The following RAB11FIP3 variants were observed in gnomAD, a reference collection of about 807,000 sequenced individuals.
The protein encoded by RAB11FIP3 is RAB11 family interacting protein 3.
RAB11FIP3 carries 17 observed loss-of-function variants against 77.8 expected under a neutral mutation model. The ratio of observed to expected loss-of-function variants is 0.22; its 90% CI spans 0.15 to 0.33. The LOEUF is 0.33. RAB11FIP3 is among the 10% of genes least tolerant of loss of function. The probability of loss-of-function intolerance (pLI) is 1.00; values close to 1 mark genes in which losing one functional copy is unlikely to be tolerated. For synonymous variants in RAB11FIP3, 437 were observed against 448.2 expected, an observed-to-expected ratio of 0.98 and a Z score of 0.31; for missense variants, 1,005 against 1,011.2, an observed-to-expected ratio of 0.99 and a Z score of 0.08.
At position 521,165 on chromosome 16, in the gene RAB11FIP3, T is replaced by G. The variant is rs1420796341; in HGVS notation, c.*326T>G. 1 of 398,972 alleles carries G rather than the reference T, an allele frequency of 2.5e-6. No individual in the cohort carries two copies. The highest frequency in any genetic ancestry group is 4.7e-6 in the Non-Finnish European group (1 of 213,536). The allele number at this position is 398,972 out of a possible 1,614,324, so 24.7% of individuals were successfully genotyped here. A position where few individuals can be genotyped will look rare whatever the true frequency, so the allele number is the denominator to read the frequency against. On this transcript the variant is annotated 3_prime_UTR_variant, in exon 14 of 14. Transcript: ENST00000262305. The stretch of plus-strand genomic sequence containing the variant: ...TCAAGCTGGCCATGAACGCGTACAC[T>G]TCAGTTCAGCAGGATGGGCTGGAGA...
chr16:500,039 A>G (rs912210672), intron 6 of RAB11FIP3, among the ~76,000 whole-genome samples: 3 of 152,212 alleles, frequency 2.0e-5, no homozygotes, highest in Non-Finnish European at 2.9e-5. Context: ...TTTTGCCAGC[A>G]GCCATTGTAG....
In RAB11FIP3 at chr16:449,265, C is replaced by T. The variant is rs568025769; in HGVS notation, c.715-12139C>T. On this transcript the variant is annotated intron_variant, in intron 1 of 13. Coordinates refer to ENST00000262305, the MANE Select transcript of RAB11FIP3 (RefSeq NM_014700.4). ...ATATCTCCAGCTCAGTGTCTCACAGCGCTGTCACCAGGCGGGACAGAGTGT... is the reference window on the plus strand; with the variant it reads ...ATATCTCCAGCTCAGTGTCTCACAGTGCTGTCACCAGGCGGGACAGAGTGT... Among the ~76,000 whole-genome samples, 107 of 152,294 alleles carry T rather than the reference C, an allele frequency of 7.0e-4. 2 individuals are homozygous for T. In the Middle Eastern group the frequency reaches 0.01, roughly 15 times the overall value.
chr16:497,273 C>T, intron 6 of RAB11FIP3: 1 of 1,304,924 alleles, frequency 7.7e-7, no homozygotes, highest in Non-Finnish European at 1.0e-6. Flanking sequence ...TTCCTAAAGA[C>T]CATTTCTTCA....
At chr16:460,942 G>T (rs1312032132) in intron 1 of RAB11FIP3, among the ~76,000 whole-genome samples, 4 of 152,218 alleles carry the variant, frequency 2.6e-5, no homozygotes, top group Non-Finnish European at 5.9e-5. Context: ...AGGAGTCAGA[G>T]GCTGTCACTG....
intron 1 of RAB11FIP3, among the ~76,000 whole-genome samples, chr16:460,235 C>T (rs963719448): frequency 1.3e-5 from 2 of 152,134 alleles, no homozygotes; most frequent in African/African-American, 4.8e-5. Flanking sequence ...AGTCATTTAA[C>T]AGATATATGA....
intron 1 of RAB11FIP3, among the ~76,000 whole-genome samples, chr16:451,116 A>T (rs2055400986): frequency 6.6e-6 from 1 of 152,156 alleles, no homozygotes; most frequent in South Asian, 2.1e-4. Context: ...TGTCTTTAAA[A>T]TAATGTGGAG....
rs532645419 is a variant in RAB11FIP3, at chr16:514,446, G to A, written c.1640+3646G>A. Among the ~76,000 whole-genome samples, 7 of 152,370 alleles carry A rather than the reference G, an allele frequency of 4.6e-5. No individual in the cohort carries two copies. Among genetic ancestry groups the A allele is most frequent in the Non-Finnish European group, 8.8e-5 (6 of 68,036 alleles). Reference sequence around the variant, plus strand: ...GGAACCTCCTGGGAACAGCAGGGGCGGGTGGCTATGCAGTTGCAGTGCCTA... The same window carrying A: ...GGAACCTCCTGGGAACAGCAGGGGCAGGTGGCTATGCAGTTGCAGTGCCTA... On this transcript the variant is annotated intron_variant, in intron 9 of 13. Coordinates refer to ENST00000262305, the MANE Select transcript of RAB11FIP3 (RefSeq NM_014700.4). This position sits in a 1 kb window ranked among gnomAD's most constrained non-coding sequence, Gnocchi z 4.6.
At chr16:485,505 C>G (rs1417755482) in intron 4 of RAB11FIP3, among the ~76,000 whole-genome samples, 1 of 152,102 alleles carries the variant, frequency 6.6e-6, no homozygotes, top group Non-Finnish European at 1.5e-5. Flanking sequence ...CTCTGCCTCC[C>G]AGGCTCAAGT....
At chr16:444,076 C>T (rs1054268129) in intron 1 of RAB11FIP3, among the ~76,000 whole-genome samples, 3 of 152,130 alleles carry the variant, frequency 2.0e-5, no homozygotes, top group African/African-American at 7.2e-5. Context: ...TGGGTGTTCT[C>T]CACCCTGAGG....
At chr16:447,612 C>T (rs1371566926) in intron 1 of RAB11FIP3, among the ~76,000 whole-genome samples, 1 of 152,048 alleles carries the variant, frequency 6.6e-6, no homozygotes, top group African/African-American at 2.4e-5. Context: ...GTGGCAGGCA[C>T]CTATAGTCCC....
At chr16:445,808 G>T (rs1028702880) in intron 1 of RAB11FIP3, among the ~76,000 whole-genome samples, 4 of 152,182 alleles carry the variant, frequency 2.6e-5, no homozygotes, top group African/African-American at 9.7e-5. Flanking sequence ...CTTGGCCCAG[G>T]TGCAGGGACC....
chr16:431,175 G>A (rs1299175328), intron 1 of RAB11FIP3, among the ~76,000 whole-genome samples: 1 of 152,130 alleles, frequency 6.6e-6, no homozygotes, highest in African/African-American at 2.4e-5. Context: ...GATCAGGGAT[G>A]TGTGTATGTG....
rs902806301 is a variant in RAB11FIP3, at chr16:433,644, C to G, written c.714+6924C>G. Among the ~76,000 whole-genome samples the G allele has an allele frequency of 2.7e-5, 4 of 150,864 alleles. No homozygotes were observed. The South Asian group carries it at 6.3e-4, about 24-fold the overall frequency. The stretch of plus-strand genomic sequence containing the variant: ...CGGGCGGATCACGAGGTCAGGAGAT[C>G]GAGACCATCCTAGCTAACACGGTGA... On this transcript the variant is annotated intron_variant, in intron 1 of 13. Transcript: ENST00000262305.
At chr16:516,137 T>C (rs1417138047) in intron 9 of RAB11FIP3, among the ~76,000 whole-genome samples, 1 of 152,230 alleles carries the variant, frequency 6.6e-6, no homozygotes, top group Non-Finnish European at 1.5e-5. Flanking sequence ...ATCATCAGTT[T>C]GCAAAGCAAG....
At chr16:500,169 G>A (rs141160552) in intron 6 of RAB11FIP3, among the ~76,000 whole-genome samples, 83 of 152,298 alleles carry the variant, frequency 5.4e-4, no homozygotes, top group South Asian at 3.3e-3. Flanking sequence ...GGGCAGAGCC[G>A]AGTCCATCAG....
intron 5 of RAB11FIP3, among the ~76,000 whole-genome samples, chr16:494,628 A>T (rs2030937085): frequency 6.6e-6 from 1 of 152,144 alleles, no homozygotes; most frequent in African/African-American, 2.4e-5. Context: ...TCTTAAAAAA[A>T]AAAACCTGTA....
chr16:426,797 G>A lies in RAB11FIP3; in HGVS notation c.714+77G>A, dbSNP rs1166346032. 6 of 1,221,988 alleles carry A rather than the reference G, an allele frequency of 4.9e-6. No individual in the cohort carries two copies. In the East Asian group the frequency reaches 1.4e-4, roughly 28 times the overall value. 75.7% of individuals were successfully genotyped at this position (1,221,988 alleles called of 1,614,324 possible). The stretch of plus-strand genomic sequence containing the variant: ...CGGCGGGGTTGATGTGGGACCGGTC[G>A]ACGCTGCCCCTGGAGTCGGGAAAGG... On this transcript the variant is annotated intron_variant, in intron 1 of 13. Coordinates refer to ENST00000262305, the MANE Select transcript of RAB11FIP3 (RefSeq NM_014700.4). The surrounding 1 kb of genome is among the most constrained non-coding windows in gnomAD (Gnocchi z 5.0).
intron 3 of RAB11FIP3, among the ~76,000 whole-genome samples, chr16:479,674 G>A (rs1162097041): frequency 6.6e-6 from 1 of 152,146 alleles, no homozygotes; most frequent in African/African-American, 2.4e-5. Context: ...CATAGTTCTA[G>A]CACTTTGAGA....
At chr16:477,661 G>A (rs1427316008) in intron 3 of RAB11FIP3, 1 of 985,466 alleles carries the variant, frequency 1.0e-6, no homozygotes. Context: ...GGGACGGTGA[G>A]TAGCACGAGA....
Sources: gnomAD v4.1 joint callset for allele counts (sites outside exome capture counted in the v4.1 genomes callset) on GRCh38, gnomAD v4.1.1 for gene constraint, Gnocchi (gnomAD v3.1) non-coding constraint, MANE v1.5 for transcripts, NCBI Gene and HGNC (gene_info 2026-07-23, HGNC 2026-07-21) for gene names.